The following RABGAP1L variants were observed in gnomAD, a reference collection of about 807,000 sequenced individuals.
RABGAP1L encodes rab GTPase-activating protein 1-like.
In RABGAP1L, 63 loss-of-function variants were observed where a neutral mutation model predicts 137.7. The observed-to-expected ratio is 0.46, with a 90% confidence interval of 0.37 to 0.56. The LOEUF is 0.56. Among genes scored for constraint, RABGAP1L ranks in the 20% least tolerant of loss-of-function variants. The pLI, the probability that RABGAP1L is intolerant of heterozygous loss-of-function variation, is 0.00. For synonymous variants in RABGAP1L, 431 were observed against 433.7 expected (o/e 0.99, Z 0.08); for missense variants, 1,095 against 1,244.0 (o/e 0.88, Z 1.80).
chr1:174,778,350 AG>A (rs1686698220), intron 18 of RABGAP1L, among the ~76,000 whole-genome samples: 1 of 152,216 alleles, frequency 6.6e-6, no homozygotes, highest in African/African-American at 2.4e-5. Context: ...AAAAGCTAAA[AG>A]AATTCATCAC....
chr1:174,787,124 T>G (rs1219260288), intron 18 of RABGAP1L, among the ~76,000 whole-genome samples: 1 of 152,066 alleles, frequency 6.6e-6, no homozygotes, highest in Non-Finnish European at 1.5e-5. Context: ...AAAGTGAGGC[T>G]GGACATAGTG....
chr1:174,709,582 G>T (rs1180416165), intron 17 of RABGAP1L, among the ~76,000 whole-genome samples: 1 of 152,104 alleles, frequency 6.6e-6, no homozygotes. Context: ...CTGCAAAAAG[G>T]GCCCTGACTA....
chr1:174,406,366 G>C (rs1248845415), intron 13 of RABGAP1L, among the ~76,000 whole-genome samples: 1 of 152,034 alleles, frequency 6.6e-6, no homozygotes, highest in Non-Finnish European at 1.5e-5. Context: ...TAATAGTTTT[G>C]AGGTAAATTA....
In RABGAP1L at chr1:174,957,504, G is replaced by A; in HGVS notation, c.2388G>A (p.Met796Ile). 1.2e-6 allele frequency: 2 copies of A among 1,613,690 alleles called. No homozygotes were observed. Among genetic ancestry groups the A allele is most frequent in the East Asian group, 2.2e-5 (1 of 44,850 alleles). The change falls in exon 20 of 26, where the codon ATG becomes ATA. Residue 796 changes from methionine to isoleucine, a missense_variant. By Grantham distance (10) the Met-to-Ile change is conservative (BLOSUM62 1). Around this residue, in one of 4 missense-constraint regions of RABGAP1L, gnomAD observed 312 missense variants for 435.6 expected, o/e 0.72. Coordinates refer to ENST00000681986, the MANE Select transcript of RABGAP1L (RefSeq NM_001366446.1). Reference protein sequence around the residue: ...LKKYEKEYQTMRESQLQQEDP... With the variant: ...LKKYEKEYQTIRESQLQQEDP... ...AATATGAGAAAGAATATCAGACAATGCGAGAGAGTCAGCTGCAACAGGAAG... is the reference window on the plus strand; with the variant it reads ...AATATGAGAAAGAATATCAGACAATACGAGAGAGTCAGCTGCAACAGGAAG...
chr1:174,779,269 C>T, intron 18 of RABGAP1L, among the ~76,000 whole-genome samples: 1 of 152,146 alleles, frequency 6.6e-6, no homozygotes, highest in East Asian at 1.9e-4. Flanking sequence ...GGCTTAAACC[C>T]CACCTTCTTT....
intron 7 of RABGAP1L, among the ~76,000 whole-genome samples, chr1:174,267,703 GT>G (rs1236090648): frequency 3.9e-5 from 6 of 152,206 alleles, no homozygotes; most frequent in African/African-American, 1.2e-4. Flanking sequence ...TTCTTGATAA[GT>G]TTTTTTAAAT....
intron 13 of RABGAP1L, among the ~76,000 whole-genome samples, chr1:174,604,961 T>G (rs1481615815): frequency 6.6e-6 from 1 of 152,066 alleles, no homozygotes; most frequent in Non-Finnish European, 1.5e-5. Flanking sequence ...GCCAACATTG[T>G]GAAACCCACT....
chr1:174,193,632 T>C (rs1571467941), intron 1 of RABGAP1L, among the ~76,000 whole-genome samples: 1 of 152,192 alleles, frequency 6.6e-6, no homozygotes, highest in Non-Finnish European at 1.5e-5. Flanking sequence ...TATGCTGATA[T>C]GCCCTTATAT....
chr1:174,903,054 T>G (rs2149165337), intron 19 of RABGAP1L, among the ~76,000 whole-genome samples: 1 of 152,336 alleles, frequency 6.6e-6, no homozygotes, highest in Non-Finnish European at 1.5e-5. Flanking sequence ...TATTTCAAAT[T>G]CAGCAGCTGT....
rs185411583 is a variant in RABGAP1L at position 174,422,601 on chromosome 1, T to A, written c.1710+28456T>A. Among the ~76,000 whole-genome samples, 8 of 152,244 alleles carry A rather than the reference T, an allele frequency of 5.3e-5. No individual in the cohort carries two copies. The East Asian group carries it at 1.5e-3, about 29-fold the overall frequency. On this transcript the variant is annotated intron_variant, in intron 13 of 25. Transcript: ENST00000681986. ...AAATACAGGCCCAAGAGAAGTTATA[T>A]GAATTAATCTTAAATCAGTCAGGTA...
intron 12 of RABGAP1L, among the ~76,000 whole-genome samples, chr1:174,386,517 T>C (rs1422111725): frequency 6.6e-6 from 1 of 151,886 alleles, no homozygotes; most frequent in Non-Finnish European, 1.5e-5. Context: ...GTTTTCTTTT[T>C]TTTTTTTGAG....
At chr1:174,348,460 T>TTTA (rs1682662891) in intron 11 of RABGAP1L, among the ~76,000 whole-genome samples, 1 of 149,596 alleles carries the variant, frequency 6.7e-6, no homozygotes, top group African/African-American at 2.4e-5. Context: ...TTATTTATTT[T>TTTA]TTTTAATTTA....
chr1:174,797,641 G>T (rs1418612627), intron 18 of RABGAP1L, among the ~76,000 whole-genome samples: 2 of 128,662 alleles, frequency 1.6e-5, no homozygotes, highest in South Asian at 2.6e-4. Flanking sequence ...GTGTGGGGGG[G>T]TGTGTGGGGA....
intron 13 of RABGAP1L, among the ~76,000 whole-genome samples, chr1:174,434,626 C>A (rs577177942): frequency 6.6e-6 from 1 of 152,298 alleles, no homozygotes; most frequent in Non-Finnish European, 1.5e-5. Context: ...TCCCTACCAA[C>A]ATTGTACTGT....
At chr1:174,628,623 T>C (rs1048962550) in intron 13 of RABGAP1L, among the ~76,000 whole-genome samples, 1 of 152,224 alleles carries the variant, frequency 6.6e-6, no homozygotes. Context: ...TCTGAGATCC[T>C]ATAGGAATTA....
At chr1:174,250,266 G>C (rs1416451700) in intron 5 of RABGAP1L, among the ~76,000 whole-genome samples, 2 of 151,852 alleles carry the variant, frequency 1.3e-5, no homozygotes, top group Admixed American at 1.3e-4. Flanking sequence ...ATCTACAGTT[G>C]TTTACTCCCT....
intron 13 of RABGAP1L, among the ~76,000 whole-genome samples, chr1:174,429,316 G>A (rs1652321657): frequency 6.6e-6 from 1 of 152,140 alleles, no homozygotes; most frequent in Admixed American, 6.5e-5. Context: ...TTTCTACAGA[G>A]TTATGAGGAT....
chr1:174,701,257 A>C, intron 16 of RABGAP1L: 2 of 1,234,100 alleles, frequency 1.6e-6, no homozygotes, highest in South Asian at 2.8e-5. Flanking sequence ...TTTAGAAGAT[A>C]TCCAATTTTA....
intron 20 of RABGAP1L, among the ~76,000 whole-genome samples, chr1:174,964,505 T>C (rs879335120): frequency 2.6e-5 from 4 of 152,208 alleles, no homozygotes; most frequent in Non-Finnish European, 4.4e-5. Context: ...CCAGGATCCA[T>C]TTTTCTTTTG....
Sources: allele counts gnomAD v4.1 joint callset (sites outside exome capture counted in the v4.1 genomes callset), GRCh38; gene constraint gnomAD v4.1.1; regional missense constraint gnomAD v4.1.1; transcripts MANE v1.5; gene names NCBI Gene and HGNC (gene_info 2026-07-23, HGNC 2026-07-21).